Variants in CTNNA3 observed in about 807,000 individuals in gnomAD.
CTNNA3 encodes catenin alpha 3, also known as catenin alpha-3.
Under a neutral mutation model 95.7 loss-of-function variants are expected in CTNNA3, and 76 were observed. The ratio of observed to expected loss-of-function variants is 0.79; its 90% CI spans 0.66 to 0.96. CTNNA3 has a LOEUF of 0.96. CTNNA3 is among the 40% of genes least tolerant of loss of function. CTNNA3 has a pLI of 0.00. For missense variants in CTNNA3, 1,191 were observed against 1,089.8 expected, an observed-to-expected ratio of 1.09 and a Z score of -1.31; for synonymous variants, 431 against 374.4, an observed-to-expected ratio of 1.15 and a Z score of -1.74.
intron 1 of CTNNA3, among the ~76,000 whole-genome samples, chr10:67,725,169 A>G (rs1013797545): frequency 2.0e-5 from 3 of 150,498 alleles, no homozygotes; most frequent in Non-Finnish European, 4.4e-5. Context: ...GTATTAATTT[A>G]TTAATTTACC....
At chr10:66,817,969 G>C (rs1440442414) in intron 7 of CTNNA3, among the ~76,000 whole-genome samples, 1 of 151,836 alleles carries the variant, frequency 6.6e-6, no homozygotes, top group African/African-American at 2.4e-5. Context: ...TTCCAGGAAG[G>C]CAAGACCGTT....
rs184246450 is a variant in CTNNA3 at position 65,982,170 on chromosome 10, A to G, written c.2265+6522T>C. Among the ~76,000 whole-genome samples, 96 of 151,706 alleles carry G rather than the reference A, an allele frequency of 6.3e-4. 2 individuals are homozygous for G. Among genetic ancestry groups the G allele is most frequent in the African/African-American group, 2.3e-3 (94 of 41,484 alleles). ...TCAGCAAGAAAAAAAATCCCATCAA[A>G]AAGTGGGCTAAGGACATGAATAGAC... On this transcript the variant is annotated intron_variant, in intron 16 of 17. Transcript: ENST00000433211.
At position 65,965,794 on chromosome 10, in the gene CTNNA3, A is replaced by G. The variant is rs563843684; in HGVS notation, c.2400+818T>C. Among the ~76,000 whole-genome samples, 5 of 152,260 alleles carry G rather than the reference A, an allele frequency of 3.3e-5. No individual in the cohort carries two copies. The South Asian group carries it at 6.2e-4, about 19-fold the overall frequency. On this transcript the variant is annotated intron_variant, in intron 17 of 17. Transcript: ENST00000433211. ...TTGAGGGACTGTCGAATGCCAGGAT[A>G]GAGAGGCCCTATATGTTACAGACAT...
At position 66,815,591 on chromosome 10, in the gene CTNNA3, C is replaced by T. The variant is rs571501043; in HGVS notation, c.1048-40067G>A. On this transcript the variant is annotated intron_variant, in intron 7 of 17. Transcript: ENST00000433211. ...TGACATGATTTGAAATGTCAGCCCA[C>T]GTGAACAGTGTCTTCCCCTAGGTAT... Among the ~76,000 whole-genome samples, 261 of 152,156 alleles carry T rather than the reference C, an allele frequency of 1.7e-3. 1 individual carries two copies. The highest frequency in any genetic ancestry group is 4.6e-3 in the African/African-American group (189 of 41,514).
chr10:67,388,937 T>C (rs1490583408), intron 5 of CTNNA3, among the ~76,000 whole-genome samples: 2 of 152,270 alleles, frequency 1.3e-5, no homozygotes, highest in South Asian at 4.1e-4. Context: ...GAACAACCAG[T>C]ACCAGCCGCT....
intron 9 of CTNNA3, among the ~76,000 whole-genome samples, chr10:66,692,508 G>A (rs942618185): frequency 3.7e-4 from 57 of 152,184 alleles, no homozygotes; most frequent in Non-Finnish European, 6.2e-4. Context: ...AAAGTGACGG[G>A]GAGAATGGAA....
At position 67,336,591 on chromosome 10, in the gene CTNNA3, T is replaced by C. The variant is rs185772141; in HGVS notation, c.580-116721A>G. ...TTTCAGTGTAGACAAAACACCCTTT[T>C]AGTAGAAGAAGATTCCATCTAGGAC... On this transcript the variant is annotated intron_variant, in intron 5 of 17. Transcript: ENST00000433211. 1.4e-4 allele frequency among the ~76,000 whole-genome samples: 21 copies of C among 152,338 alleles called. No individual in the cohort carries two copies. The East Asian group carries it at 3.9e-3, about 28-fold the overall frequency.
intron 7 of CTNNA3, among the ~76,000 whole-genome samples, chr10:67,125,575 A>T (rs1442192223): frequency 1.3e-5 from 2 of 152,232 alleles, no homozygotes; most frequent in East Asian, 3.9e-4. Context: ...AGACTATGTC[A>T]GTATCTCCAC....
At chr10:66,179,335 G>C (rs1349956155) in intron 13 of CTNNA3, among the ~76,000 whole-genome samples, 1 of 152,060 alleles carries the variant, frequency 6.6e-6, no homozygotes, top group African/African-American at 2.4e-5. Context: ...AAATTGTAGA[G>C]AGAATACTTT....
chr10:67,094,485 A>G (rs973395535), intron 7 of CTNNA3, among the ~76,000 whole-genome samples: 2 of 151,862 alleles, frequency 1.3e-5, no homozygotes, highest in East Asian at 3.9e-4. Context: ...GTGTATAATT[A>G]AAAAGAAAAT....
At chr10:67,256,947 ACT>A (rs1390301816) in intron 5 of CTNNA3, among the ~76,000 whole-genome samples, 4 of 152,116 alleles carry the variant, frequency 2.6e-5, no homozygotes, top group South Asian at 2.1e-4. Context: ...CAAAATGCAA[ACT>A]CTGTTTATGA....
At chr10:67,045,510 T>C (rs2133163237) in intron 7 of CTNNA3, among the ~76,000 whole-genome samples, 1 of 152,222 alleles carries the variant, frequency 6.6e-6, no homozygotes, top group East Asian at 1.9e-4. Flanking sequence ...GGAACTGTTC[T>C]GCTACGTAGG....
intron 7 of CTNNA3, among the ~76,000 whole-genome samples, chr10:66,835,207 A>T (rs1842848361): frequency 7.4e-6 from 1 of 135,128 alleles, no homozygotes; most frequent in Admixed American, 7.8e-5. Context: ...TCCTTAAAGA[A>T]AAATTACAGT....
At chr10:67,748,875 C>A (rs760269411) in intron 1 of CTNNA3, among the ~76,000 whole-genome samples, 2 of 152,120 alleles carry the variant, frequency 1.3e-5, no homozygotes, top group Non-Finnish European at 1.5e-5. Flanking sequence ...TGCAAAGACA[C>A]ACATAATTGT....
At chr10:66,624,872 T>C (rs1328389678) in intron 9 of CTNNA3, among the ~76,000 whole-genome samples, 1 of 152,158 alleles carries the variant, frequency 6.6e-6, no homozygotes, top group Non-Finnish European at 1.5e-5. Flanking sequence ...AAGAAAGTCT[T>C]GAAAAGCATT....
intron 5 of CTNNA3, among the ~76,000 whole-genome samples, chr10:67,503,928 C>T (rs747778755): frequency 1.8e-4 from 28 of 152,208 alleles, no homozygotes; most frequent in Non-Finnish European, 2.6e-4. Flanking sequence ...GAGGCCAAGG[C>T]GGGCGGATCA....
At chr10:67,373,820 G>T (rs938830956) in intron 5 of CTNNA3, among the ~76,000 whole-genome samples, 3 of 152,142 alleles carry the variant, frequency 2.0e-5, no homozygotes, top group Non-Finnish European at 4.4e-5. Flanking sequence ...GGATGGGTGG[G>T]GTTGTATAGA....
At chr10:67,507,558 GAAA>G (rs545584235) in intron 5 of CTNNA3, among the ~76,000 whole-genome samples, 1 of 133,370 alleles carries the variant, frequency 7.5e-6, no homozygotes, top group Admixed American at 7.5e-5. Flanking sequence ...AAGAAACAAA[GAAA>G]AAAAAAAAGA....
At chr10:66,841,913 T>A (rs555000880) in intron 7 of CTNNA3, among the ~76,000 whole-genome samples, 1 of 152,096 alleles carries the variant, frequency 6.6e-6, no homozygotes. Flanking sequence ...TATACCTCTG[T>A]GGCAGGAAAG....
Sources: allele counts gnomAD v4.1 joint callset (sites outside exome capture counted in the v4.1 genomes callset), GRCh38; gene constraint gnomAD v4.1.1; transcripts MANE v1.5; gene names NCBI Gene and HGNC (gene_info 2026-07-23, HGNC 2026-07-21).